Variants in ROBO1 observed in about 807,000 individuals in gnomAD.
The protein encoded by ROBO1 is roundabout homolog 1.
Under a neutral mutation model 195.9 loss-of-function variants are expected in ROBO1, and 149 were observed. The ratio of observed to expected loss-of-function variants is 0.76; its 90% CI spans 0.67 to 0.87. The LOEUF (loss-of-function observed/expected upper bound fraction) is 0.87. Ranked by LOEUF, ROBO1 falls within the 40% of genes least tolerant of loss-of-function variation. The probability of loss-of-function intolerance (pLI) is 0.00; values close to 1 mark genes in which losing one functional copy is unlikely to be tolerated. For synonymous variants in ROBO1, 816 were observed against 733.2 expected (o/e 1.11, Z -1.82); for missense variants, 1,933 against 2,068.3 (o/e 0.93, Z 1.27).
In ROBO1 at chr3:78,861,712, T is replaced by C. The variant is rs1048640008; in HGVS notation, c.499+76889A>G. Among the ~76,000 whole-genome samples the C allele has an allele frequency of 5.3e-5, 8 of 152,330 alleles. No homozygotes were observed. In the South Asian group the frequency reaches 1.7e-3, roughly 32 times the overall value. On this transcript the variant is annotated intron_variant, in intron 4 of 30. Coordinates refer to ENST00000464233, the MANE Select transcript of ROBO1 (RefSeq NM_002941.4). Reference sequence around the variant, plus strand: ...CAAGAGAGATTTCTTTCTTTGATCTTCTTTTCTTCCCATTAGAAATAACTG... The same window carrying C: ...CAAGAGAGATTTCTTTCTTTGATCTCCTTTTCTTCCCATTAGAAATAACTG...
intron 10 of ROBO1, among the ~76,000 whole-genome samples, chr3:78,680,211 C>T (rs2107787241): frequency 6.6e-6 from 1 of 152,234 alleles, no homozygotes; most frequent in East Asian, 1.9e-4. Context: ...AAATGTTAGA[C>T]CTAAAATCAT....
intron 4 of ROBO1, among the ~76,000 whole-genome samples, chr3:78,903,583 T>C (rs953026883): frequency 6.7e-5 from 10 of 150,146 alleles, no homozygotes; most frequent in Non-Finnish European, 1.5e-4. Context: ...ACACACACCT[T>C]GCTGCTCTCC....
intron 3 of ROBO1, among the ~76,000 whole-genome samples, chr3:78,939,951 G>C (rs2040044237): frequency 6.6e-6 from 1 of 151,968 alleles, no homozygotes; most frequent in Admixed American, 6.6e-5. Context: ...TATTTTCTGT[G>C]TCTGTACCTT....
At chr3:79,116,466 G>C (rs116809309) in intron 3 of ROBO1, among the ~76,000 whole-genome samples, 5 of 67,300 alleles carry the variant, frequency 7.4e-5, no homozygotes, top group Non-Finnish European at 1.6e-4. Flanking sequence ...TTCTTTCTTT[G>C]TTTCTTTCTC....
At chr3:79,664,283 A>C (rs1434375172) in intron 1 of ROBO1, among the ~76,000 whole-genome samples, 1 of 151,996 alleles carries the variant, frequency 6.6e-6, no homozygotes, top group Admixed American at 6.6e-5. Flanking sequence ...ATTGTAAGCA[A>C]TGGAGGGCAG....
At chr3:79,213,816 C>CTTTTTTTTTTTT (rs59942369) in intron 2 of ROBO1, among the ~76,000 whole-genome samples, 1 of 74,590 alleles carries the variant, frequency 1.3e-5, no homozygotes, top group Non-Finnish European at 2.7e-5. Context: ...TCTCCCCTTT[C>CTTTTTTTTTTTT]TTTTTTTTTT....
intron 4 of ROBO1, among the ~76,000 whole-genome samples, chr3:78,872,269 T>G (rs1041409730): frequency 6.6e-6 from 1 of 152,172 alleles, no homozygotes; most frequent in Non-Finnish European, 1.5e-5. Context: ...GATGTTACAG[T>G]AAGTAGGGCC....
chr3:78,827,551 G>A (rs181153556), intron 4 of ROBO1, among the ~76,000 whole-genome samples: 1 of 152,006 alleles, frequency 6.6e-6, no homozygotes, highest in Non-Finnish European at 1.5e-5. Flanking sequence ...GGGTTTTCCA[G>A]AGAAAAAGAA....
At chr3:79,332,317 A>G (rs2034481675) in intron 2 of ROBO1, among the ~76,000 whole-genome samples, 1 of 152,180 alleles carries the variant, frequency 6.6e-6, no homozygotes. Context: ...TGCATTTATA[A>G]CATTTGTGTA....
intron 2 of ROBO1, among the ~76,000 whole-genome samples, chr3:79,444,768 A>AG (rs1429485716): frequency 6.6e-6 from 1 of 152,158 alleles, no homozygotes; most frequent in Non-Finnish European, 1.5e-5. Flanking sequence ...TTGGCAACAC[A>AG]GCAATGACAA....
In ROBO1 at chr3:78,643,481, G is replaced by T. The variant is rs537883577; in HGVS notation, c.2882+2667C>A. Among the ~76,000 whole-genome samples, 44 of 152,228 alleles carry T rather than the reference G, an allele frequency of 2.9e-4. No homozygotes were observed. The South Asian group carries it at 8.9e-3, about 31-fold the overall frequency. On this transcript the variant is annotated intron_variant, in intron 21 of 30. Coordinates refer to ENST00000464233, the MANE Select transcript of ROBO1 (RefSeq NM_002941.4). ...TAAACTGAGAAGGGTCGCTGGGTGG[G>T]GAGACAGTCCAGACCTATGTAATAC...
At chr3:79,690,000 C>A (rs1038669808) in intron 1 of ROBO1, among the ~76,000 whole-genome samples, 17 of 151,930 alleles carry the variant, frequency 1.1e-4, no homozygotes, top group African/African-American at 3.6e-4. Context: ...CCTCCTAAAT[C>A]AAATTGATTT....
intron 2 of ROBO1, among the ~76,000 whole-genome samples, chr3:79,349,858 A>G (rs936231210): frequency 2.6e-5 from 4 of 152,328 alleles, no homozygotes; most frequent in South Asian, 2.1e-4. Context: ...TAAAGGAAAC[A>G]AACAGTTGAA....
chr3:79,219,277 T>C (rs2082099810), intron 2 of ROBO1, among the ~76,000 whole-genome samples: 2 of 151,958 alleles, frequency 1.3e-5, no homozygotes, highest in Non-Finnish European at 2.9e-5. Flanking sequence ...ACATAAATAT[T>C]ACACGAAGCT....
chr3:79,478,150 G>T (rs1938638677), intron 2 of ROBO1, among the ~76,000 whole-genome samples: 1 of 152,154 alleles, frequency 6.6e-6, no homozygotes, highest in African/African-American at 2.4e-5. Context: ...AAATATGGCT[G>T]CAAGTGCCCT....
In ROBO1 at chr3:78,614,658, G is replaced by A; in HGVS notation, c.4425C>T (p.Thr1475=). 1.2e-6 allele frequency: 2 copies of A among 1,613,750 alleles called. No individual in the cohort carries two copies. Among genetic ancestry groups the A allele is most frequent in the South Asian group, 1.1e-5 (1 of 91,062 alleles). The change falls in exon 28 of 31, where the codon ACC becomes ACT. Residue 1475 remains threonine, a synonymous_variant. Coordinates refer to ENST00000464233, the MANE Select transcript of ROBO1 (RefSeq NM_002941.4). The stretch of plus-strand genomic sequence containing the variant: ...TGTCAATGGACTCACCATCTGTGTA[G>A]GTTTCTCTGCGCAGATGTCCTGGCT... ...KHQPGHLRRE[T]YTDDLPPPPV...
At chr3:79,146,675 C>T (rs894725972) in intron 2 of ROBO1, among the ~76,000 whole-genome samples, 4 of 151,522 alleles carry the variant, frequency 2.6e-5, no homozygotes, top group African/African-American at 4.8e-5. Context: ...TTTGGGACTG[C>T]AAAGAATTAA....
chr3:78,642,987 T>C (rs1029092401), intron 21 of ROBO1, among the ~76,000 whole-genome samples: 12 of 152,138 alleles, frequency 7.9e-5, no homozygotes, highest in Admixed American at 6.5e-4. Flanking sequence ...ATAGGTGACA[T>C]CTATCAAAAA....
intron 1 of ROBO1, among the ~76,000 whole-genome samples, chr3:79,762,145 A>T: frequency 6.6e-6 from 1 of 152,174 alleles, no homozygotes; most frequent in East Asian, 1.9e-4. Context: ...CTTTTCTCAT[A>T]GTTTTAGAGG....
Sources: gnomAD v4.1 joint callset for allele counts (sites outside exome capture counted in the v4.1 genomes callset) on GRCh38, gnomAD v4.1.1 for gene constraint, MANE v1.5 for transcripts, NCBI Gene and HGNC (gene_info 2026-07-23, HGNC 2026-07-21) for gene names.